The following DSP variants were observed in gnomAD, a reference collection of about 807,000 sequenced individuals.
The protein encoded by DSP is desmoplakin, also known as 250/210 kDa paraneoplastic pemphigus antigen.
A neutral mutation model predicts 290.6 loss-of-function variants in DSP; 114 were observed. The ratio of observed to expected loss-of-function variants is 0.39; its 90% CI spans 0.34 to 0.46. The LOEUF is 0.46. DSP is among the 20% of genes least tolerant of loss of function. DSP has a pLI of 0.99. For missense variants in DSP, 3,230 were observed against 3,495.8 expected (o/e 0.92, Z 1.92); for synonymous variants, 1,311 against 1,316.4 (o/e 1.00, Z 0.09).
chr6:7,547,874 A>G (rs1758210711), intron 1 of DSP, among the ~76,000 whole-genome samples: 1 of 151,716 alleles, frequency 6.6e-6, no homozygotes, highest in Admixed American at 6.6e-5. Context: ...TACCCAATCC[A>G]TTTCTTCCTT....
chr6:7,562,669 G>A lies in DSP; in HGVS notation c.615G>A (p.Val205=). 6.2e-7 allele frequency: 1 copy of A among 1,614,132 alleles called. No individual in the cohort carries two copies. The highest frequency in any genetic ancestry group is 8.5e-7 in the Non-Finnish European group (1 of 1,180,018). ...MRQQRAEMDM[V]AWGVDLASVE... is the part of the protein sequence containing the mutation. ...TGTCGCAGGCGGAGATGGACATGGT[G>A]GCCTGGGGTGTGGACCTGGCCTCAG... The change falls in exon 5 of 24, where the codon GTG becomes GTA. Residue 205 remains valine (V), a synonymous_variant. Transcript: ENST00000379802.
intron 1 of DSP, among the ~76,000 whole-genome samples, chr6:7,553,771 G>C (rs1298914906): frequency 1.3e-5 from 2 of 152,106 alleles, no homozygotes; most frequent in Non-Finnish European, 1.5e-5. Context: ...TCTTGGTTTC[G>C]AGAGCTGGAT....
chr6:7,550,576 A>C (rs768712387), intron 1 of DSP, among the ~76,000 whole-genome samples: 1 of 152,156 alleles, frequency 6.6e-6, no homozygotes, highest in Non-Finnish European at 1.5e-5. Flanking sequence ...AGGGCTCTCT[A>C]TGCAAATATT....
intron 3 of DSP, 50 bp downstream of exon 3, chr6:7,558,314 AC>A: frequency 6.3e-7 from 1 of 1,586,800 alleles, no homozygotes; most frequent in African/African-American, 1.3e-5. Context: ...AAAGAACACC[AC>A]ATAACCAGTT....
rs1759283031 is a variant in DSP, at chr6:7,577,709, G to C, written c.2878-70G>C. 6 of 1,233,648 alleles carry C rather than the reference G, an allele frequency of 4.9e-6. No individual in the cohort carries two copies. The South Asian group carries it at 7.2e-5, about 15-fold the overall frequency. 76.4% of individuals were successfully genotyped at this position (1,233,648 alleles called of 1,614,324 possible). A position where few individuals can be genotyped will look rare whatever the true frequency, so the allele number is the denominator to read the frequency against. The stretch of plus-strand genomic sequence containing the variant: ...TGCAGCCCAATGATTTAAAACTGTG[G>C]AACTGTAGCTGTTAGTGATGCTTTT... On this transcript the variant is annotated intron_variant, in intron 20 of 23. Coordinates refer to ENST00000379802, the MANE Select transcript of DSP (RefSeq NM_004415.4).
At chr6:7,545,674 A>C (rs1403357563) in intron 1 of DSP, among the ~76,000 whole-genome samples, 2 of 152,224 alleles carry the variant, frequency 1.3e-5, no homozygotes, top group Non-Finnish European at 2.9e-5. Context: ...AGCACGCAAA[A>C]GCGGAATGCA....
chr6:7,557,510 T>C (rs375992130), intron 2 of DSP, among the ~76,000 whole-genome samples: 2 of 152,068 alleles, frequency 1.3e-5, no homozygotes, highest in African/African-American at 4.8e-5. Flanking sequence ...TGAAACCCTG[T>C]CTCTATTAAA....
rs986339609 is a variant in DSP, at chr6:7,576,994, A to C, written c.2829A>C (p.Lys943Asn). 1.9e-6 allele frequency: 3 copies of C among 1,613,116 alleles called. No individual in the cohort carries two copies. The highest frequency in any genetic ancestry group is 2.7e-5 in the African/African-American group (2 of 74,918). ...LHSEISGKRD[K>N]SEEVQKIAEL... is the part of the protein sequence containing the mutation. ...GTGAAATATCTGGCAAACGAGACAA[A>C]TCAGAGGAAGTACAAAAAATTGCTG... The change falls in exon 20 of 24, where the codon AAA becomes AAC. Residue 943 changes from lysine to asparagine, a missense_variant. Around this residue, in one of 5 missense-constraint regions of DSP, gnomAD observed 1,714 missense variants for 1,844.5 expected, o/e 0.93. Transcript: ENST00000379802.
At chr6:7,578,609 T>C in intron 22 of DSP, 47 bp downstream of exon 22, 1 of 1,391,288 alleles carries the variant, frequency 7.2e-7, no homozygotes, top group East Asian at 2.3e-5. Context: ...GAAAATAGAA[T>C]AGAACCTTAT....
At chr6:7,545,867 G>A (rs565287181) in intron 1 of DSP, among the ~76,000 whole-genome samples, 4 of 152,352 alleles carry the variant, frequency 2.6e-5, no homozygotes, top group Admixed American at 6.5e-5. Flanking sequence ...AAAAGTCTGC[G>A]AAGCCTGTGG....
Position 7,542,048 on chromosome 6 carries a change from C to G in DSP, c.133C>G (p.Arg45Gly). 1 of 1,573,012 alleles carries G rather than the reference C, an allele frequency of 6.4e-7. No homozygotes were observed. Among genetic ancestry groups the G allele is most frequent in the Non-Finnish European group, 8.6e-7 (1 of 1,159,768 alleles). ...GGTSRMYYSRRGVITDQNSDG... is the reference protein window; with the variant it reads ...GGTSRMYYSRGGVITDQNSDG... ...CACCAGCAGGATGTACTATTCTCGG[C>G]GCGGCGTGATCACCGACCAGAACTC... is the stretch of plus-strand genomic sequence containing the variant. The change falls in exon 1 of 24, where the codon CGC becomes GGC. Residue 45 changes from arginine to glycine, a missense_variant. Physicochemically the swap from Arg to Gly is moderately radical, Grantham distance 125 (BLOSUM62 -2). Transcript: ENST00000379802.
chr6:7,552,530 T>A (rs1581788140), intron 1 of DSP, among the ~76,000 whole-genome samples: 2 of 134,852 alleles, frequency 1.5e-5, no homozygotes, highest in South Asian at 2.3e-4. Flanking sequence ...GCCACTGCAC[T>A]CCAGCCTGGG....
chr6:7,542,575 C>T (rs1363903927), intron 1 of DSP, among the ~76,000 whole-genome samples: 2 of 152,224 alleles, frequency 1.3e-5, no homozygotes, highest in African/African-American at 2.4e-5. Context: ...TCCCCAGTAA[C>T]CCCGAGACCA....
chr6:7,569,764 G>A (rs960394698), intron 12 of DSP, among the ~76,000 whole-genome samples: 8 of 152,046 alleles, frequency 5.3e-5, no homozygotes, highest in African/African-American at 1.9e-4. Flanking sequence ...AACCTGGGAG[G>A]GGGAGGTTGC....
At chr6:7,543,025 C>T (rs1019828089) in intron 1 of DSP, among the ~76,000 whole-genome samples, 7 of 152,024 alleles carry the variant, frequency 4.6e-5, no homozygotes, top group African/African-American at 1.7e-4. Context: ...TCAGCTTCTC[C>T]GGATCCCAGC....
chr6:7,559,341 T>C lies in DSP; in HGVS notation c.538T>C (p.Trp180Arg). 1 of 1,613,668 alleles carries C rather than the reference T, an allele frequency of 6.2e-7. No individual in the cohort carries two copies. The highest frequency in any genetic ancestry group is 8.5e-7 in the Non-Finnish European group (1 of 1,180,048). ...GGYTCQSGSG[W>R]DEFTKHVTSE... ...CTACACTTGTCAGAGTGGCTCTGGC[T>C]GGGATGAGTTCACCAAACATGTCAC... Residue 180 changes from tryptophan (W) to arginine (R), a missense_variant, in exon 4 of 24, where the codon TGG (tryptophan) becomes CGG (arginine). By Grantham distance (101) the Trp-to-Arg change is moderately radical. This residue lies in a region of DSP where 646 missense variants were observed against 684.3 expected (regional missense o/e 0.94). Transcript: ENST00000379802.
At chr6:7,577,262 G>A (rs931477153) in intron 20 of DSP, among the ~76,000 whole-genome samples, 1 of 152,172 alleles carries the variant, frequency 6.6e-6, no homozygotes, top group Admixed American at 6.5e-5. Flanking sequence ...TCTTTGACTG[G>A]TGGTAGGTGC....
chr6:7,568,653 C>T, intron 11 of DSP, 64 bp downstream of exon 11: 1 of 1,563,716 alleles, frequency 6.4e-7, no homozygotes, highest in Non-Finnish European at 8.8e-7. Context: ...TTTTGTCCAT[C>T]AAGAAAGCAA....
rs1420689736 is a variant in DSP, at chr6:7,585,018, C to G, written c.7756C>G (p.Arg2586Gly). The change falls in exon 24 of 24, where the codon CGA (arginine) becomes GGA (glycine). Residue 2586 changes from arginine (R) to glycine (G), a missense_variant. By Grantham distance (125) the Arg-to-Gly change is moderately radical. Transcript: ENST00000379802. ...GVSDDVFSSS[R>G]HESVSKISTI... ...CAGCGATGATGTTTTTAGCAGCTCC[C>G]GACATGAATCAGTAAGTAAGATTTC... The G allele has an allele frequency of 6.2e-7, 1 of 1,614,118 alleles. No homozygotes were observed. The highest frequency in any genetic ancestry group is 8.5e-7 in the Non-Finnish European group (1 of 1,180,032).
Sources: gnomAD v4.1 joint callset for allele counts (sites outside exome capture counted in the v4.1 genomes callset) on GRCh38, gnomAD v4.1.1 for gene constraint, gnomAD v4.1.1 regional missense constraint, MANE v1.5 for transcripts, NCBI Gene and HGNC (gene_info 2026-07-23, HGNC 2026-07-21) for gene names.